The following ADAM2 variants were observed in gnomAD, a reference collection of about 807,000 sequenced individuals.
ADAM2 encodes ADAM metallopeptidase domain 2, also known as disintegrin and metalloproteinase domain-containing protein 2.
In ADAM2, 101 loss-of-function variants were observed where a neutral mutation model predicts 99.3. The observed-to-expected ratio is 1.02, with a 90% CI of 0.87 to 1.20. The LOEUF is 1.20. ADAM2 is among the 50% of genes most tolerant of loss of function. The pLI is 0.00. For missense variants in ADAM2, 948 were observed against 878.7 expected, an observed-to-expected ratio of 1.08 and a Z score of -1.00; for synonymous variants, 323 against 287.6, an observed-to-expected ratio of 1.12 and a Z score of -1.25.
chr8:39,780,525 T>C (rs2129584863), intron 10 of ADAM2, among the ~76,000 whole-genome samples: 1 of 152,258 alleles, frequency 6.6e-6, no homozygotes, highest in Admixed American at 6.5e-5. Flanking sequence ...CACATTAACC[T>C]CTGCCACCCA....
intron 20 of ADAM2, 57 bp downstream of exon 20, chr8:39,744,773 C>T (rs1823378889): frequency 1.4e-5 from 16 of 1,155,862 alleles, no homozygotes; most frequent in Non-Finnish European, 2.0e-5. Context: ...GCACATTCTG[C>T]ACCTGTGTCC....
intron 7 of ADAM2, among the ~76,000 whole-genome samples, chr8:39,797,550 T>C (rs561413424): frequency 2.0e-4 from 31 of 152,206 alleles, no homozygotes; most frequent in Non-Finnish European, 3.5e-4. Context: ...TGATTGCATA[T>C]GAAATTTAAA....
At chr8:39,773,357 T>C (rs1802858315) in intron 11 of ADAM2, among the ~76,000 whole-genome samples, 1 of 151,808 alleles carries the variant, frequency 6.6e-6, no homozygotes, top group Admixed American at 6.6e-5. Flanking sequence ...AGGGAGGTTA[T>C]TTGAATTTTT....
At chr8:39,801,797 A>G (rs909077044) in intron 7 of ADAM2, among the ~76,000 whole-genome samples, 19 of 152,130 alleles carry the variant, frequency 1.2e-4, no homozygotes, top group African/African-American at 4.6e-4. Flanking sequence ...CGCTGGCCGC[A>G]TACTGCCACA....
chr8:39,768,798 G>C (rs1008626664), intron 12 of ADAM2, among the ~76,000 whole-genome samples: 2 of 152,120 alleles, frequency 1.3e-5, no homozygotes, highest in Non-Finnish European at 2.9e-5. Context: ...GATTAGAATG[G>C]TGCTTACCAG....
At chr8:39,753,358 A>G (rs1369456800) in intron 16 of ADAM2, among the ~76,000 whole-genome samples, 2 of 152,168 alleles carry the variant, frequency 1.3e-5, no homozygotes, top group Non-Finnish European at 2.9e-5. Context: ...GAAATTTCTA[A>G]GCAGCAAAGC....
In ADAM2 at chr8:39,755,894, T is replaced by G; in HGVS notation, c.1631A>C (p.Lys544Thr). 1.3e-6 allele frequency: 2 copies of G among 1,545,388 alleles called. No individual in the cohort carries two copies. Among genetic ancestry groups the G allele is most frequent in the Non-Finnish European group, 1.8e-6 (2 of 1,123,506 alleles). ...QCEADNLQCG[K>T]LICKYVGKFL... ...TTTACCTACATATTTACATATTAAT[T>G]TTCCGCACTGCAGATTGCTATAATT... Residue 544 changes from lysine to threonine, a missense_variant, in exon 16 of 21, where the codon AAA becomes ACA. Coordinates refer to ENST00000265708, the MANE Select transcript of ADAM2 (RefSeq NM_001464.5).
intron 6 of ADAM2, among the ~76,000 whole-genome samples, chr8:39,812,465 C>T (rs1305060835): frequency 1.3e-5 from 2 of 152,082 alleles, no homozygotes; most frequent in Non-Finnish European, 2.9e-5. Flanking sequence ...CCCGCATAGC[C>T]AAGACAATCC....
chr8:39,794,110 C>T (rs1432114711), intron 7 of ADAM2, among the ~76,000 whole-genome samples: 1 of 152,074 alleles, frequency 6.6e-6, no homozygotes, highest in African/African-American at 2.4e-5. Flanking sequence ...TTGTGTGTTA[C>T]TGTATCAGGC....
intron 7 of ADAM2, among the ~76,000 whole-genome samples, chr8:39,807,447 G>A (rs1433837398): frequency 1.3e-5 from 2 of 152,192 alleles, no homozygotes; most frequent in Non-Finnish European, 2.9e-5. Flanking sequence ...ATGGGGAAGT[G>A]AGGGCTGGAG....
intron 10 of ADAM2, among the ~76,000 whole-genome samples, chr8:39,786,279 A>G (rs1430238348): frequency 6.6e-6 from 1 of 152,210 alleles, no homozygotes; most frequent in Non-Finnish European, 1.5e-5. Flanking sequence ...TTGTATATGT[A>G]TGCCCTAAAT....
intron 15 of ADAM2, among the ~76,000 whole-genome samples, chr8:39,756,504 G>A (rs1802158085): frequency 6.6e-6 from 1 of 152,098 alleles, no homozygotes; most frequent in South Asian, 2.1e-4. Flanking sequence ...GCTACCACAT[G>A]ACCATTGCTA....
chr8:39,837,026 T>A (rs1805851936), intron 2 of ADAM2, 110 bp downstream of exon 2: 12 of 753,994 alleles, frequency 1.6e-5, no homozygotes, highest in Non-Finnish European at 2.4e-5. Flanking sequence ...AAATTTGGTA[T>A]AAATATAAAA....
chr8:39,780,182 T>G (rs1803160151), intron 10 of ADAM2, among the ~76,000 whole-genome samples: 1 of 152,066 alleles, frequency 6.6e-6, no homozygotes, highest in Non-Finnish European at 1.5e-5. Context: ...CTCCCCTTTA[T>G]GAAAGCATCA....
intron 6 of ADAM2, among the ~76,000 whole-genome samples, chr8:39,810,466 A>T (rs1489542813): frequency 1.3e-5 from 2 of 152,200 alleles, no homozygotes; most frequent in Non-Finnish European, 2.9e-5. Flanking sequence ...TCCACCCCAA[A>T]TCAACAGAAT....
At chr8:39,780,085 G>T (rs889812033) in intron 10 of ADAM2, among the ~76,000 whole-genome samples, 33 of 152,110 alleles carry the variant, frequency 2.2e-4, no homozygotes, top group African/African-American at 7.2e-4. Flanking sequence ...CACATGGCTG[G>T]GGAAGCATCA....
At chr8:39,812,401 T>G (rs2129587223) in intron 6 of ADAM2, among the ~76,000 whole-genome samples, 2 of 152,348 alleles carry the variant, frequency 1.3e-5, no homozygotes, top group East Asian at 3.9e-4. Context: ...CTAATGACTT[T>G]CTTCACAGAA....
At chr8:39,767,409 G>A (rs748835773) in intron 12 of ADAM2, among the ~76,000 whole-genome samples, 158 bp from the exon 13 acceptor site, 1 of 152,146 alleles carries the variant, frequency 6.6e-6, no homozygotes, top group Non-Finnish European at 1.5e-5. Flanking sequence ...TTACTTAACA[G>A]ACATTTATTA....
chr8:39,829,695 A>G (rs1275828843), intron 3 of ADAM2, among the ~76,000 whole-genome samples: 1 of 151,992 alleles, frequency 6.6e-6, no homozygotes, highest in East Asian at 1.9e-4. Flanking sequence ...GCCCAAAATA[A>G]TATACATTTT....
Sources: gnomAD v4.1 joint callset for allele counts (sites outside exome capture counted in the v4.1 genomes callset) on GRCh38, gnomAD v4.1.1 for gene constraint, MANE v1.5 for transcripts, NCBI Gene and HGNC (gene_info 2026-07-23, HGNC 2026-07-21) for gene names.